RALGAPB: variants seen among roughly 807,000 people sequenced by gnomAD.
RALGAPB encodes ral GTPase-activating protein subunit beta.
In RALGAPB, 25 loss-of-function variants were observed where a neutral mutation model predicts 161.1. The ratio of observed to expected loss-of-function variants is 0.16; its 90% CI spans 0.11 to 0.22. The LOEUF is 0.22. Among genes scored for constraint, RALGAPB ranks in the 10% least tolerant of loss-of-function variants. RALGAPB has a pLI of 1.00. For missense variants in RALGAPB, 1,391 were observed against 1,815.2 expected (o/e 0.77, Z 4.25); for synonymous variants, 629 against 626.1 (o/e 1.00, Z -0.07).
chr20:38,524,723 A>G, intron 10 of RALGAPB, 55 bp from the exon 11 acceptor site: 1 of 1,368,144 alleles, frequency 7.3e-7, no homozygotes, highest in Non-Finnish European at 1.0e-6. Context: ...GCAAATAATA[A>G]TTATGAAAAC....
intron 6 of RALGAPB, among the ~76,000 whole-genome samples, chr20:38,510,215 C>CCAGGCGGTCTCAAACTCCTGGACTT (rs1434023374): frequency 3.3e-5 from 5 of 152,012 alleles, no homozygotes; most frequent in African/African-American, 4.8e-5. Flanking sequence ...CCTACGTTGC[C>CCAGGCGGTCTCAAACTCCTGGACTT]CAGGCGGTCT....
At chr20:38,502,094 T>G (rs994236669) in intron 5 of RALGAPB, among the ~76,000 whole-genome samples, 5 of 152,212 alleles carry the variant, frequency 3.3e-5, no homozygotes, top group Non-Finnish European at 2.9e-5. Context: ...AGCTGCAGTA[T>G]TAAATCATAA....
chr20:38,515,543 A>G (rs2123074029), intron 6 of RALGAPB, among the ~76,000 whole-genome samples: 1 of 152,332 alleles, frequency 6.6e-6, no homozygotes, highest in East Asian at 1.9e-4. Context: ...ACACAAATAC[A>G]CCGTTTTGAA....
rs866413549 is a variant in RALGAPB, at chr20:38,568,630, A to C, written c.3955-1258A>C. The C allele has an allele frequency of 5.3e-5, 8 of 152,206 alleles. No homozygotes were observed. In the South Asian group the frequency reaches 1.7e-3, roughly 31 times the overall value. 9.4% of individuals were successfully genotyped at this position (152,206 alleles called of 1,614,324 possible). ...GCAGATGACATGATCATGTAAGTAG[A>C]AAACCCTCAGGAATCTTTTTAAAAA... On this transcript the variant is annotated intron_variant, in intron 26 of 29. Transcript: ENST00000262879.
At chr20:38,534,982 G>C (rs2086760169) in intron 15 of RALGAPB, 92 bp from the exon 16 acceptor site, 1 of 1,449,206 alleles carries the variant, frequency 6.9e-7, no homozygotes, top group Non-Finnish European at 9.5e-7. Flanking sequence ...TGTGGCTGCT[G>C]TGGTCTGTGC....
intron 24 of RALGAPB, among the ~76,000 whole-genome samples, chr20:38,564,944 C>G (rs763747508): frequency 2.0e-5 from 3 of 148,432 alleles, no homozygotes; most frequent in African/African-American, 5.0e-5. Flanking sequence ...CCTCTTCCCC[C>G]CTCTCTCTCT....
rs1454192893 is a variant in RALGAPB, at chr20:38,565,426, T to C, written c.3765T>C (p.Ala1255=). The stretch of plus-strand genomic sequence containing the variant: ...GACAGAAGAAGGTGCTGTATTATGC[T>C]GATGCCCTTACAGAAATTGCTTTTG... The part of the protein sequence containing the change: ...FNGQKKVLYY[A]DALTEIAFVV... Residue 1255 remains alanine (A), a synonymous_variant, in exon 25 of 30, where the codon GCT becomes GCC. Transcript: ENST00000262879. 6.2e-7 allele frequency: 1 copy of C among 1,613,560 alleles called. No homozygotes were observed. Among genetic ancestry groups the C allele is most frequent in the East Asian group, 2.2e-5 (1 of 44,814 alleles).
chr20:38,548,932 A>C, intron 20 of RALGAPB, 137 bp downstream of exon 20: 1 of 675,298 alleles, frequency 1.5e-6, no homozygotes, highest in Non-Finnish European at 2.6e-6. Flanking sequence ...TCATATCAGA[A>C]TCATCTAGGA....
At position 38,517,556 on chromosome 20, in the gene RALGAPB, T is replaced by G; in HGVS notation, c.1102T>G (p.Leu368Val). Reference sequence around the variant, plus strand: ...TGCTCCCCCAACACCCGTGAATAGATTAAGTATGCCTCAAAGTGCTGCTGT... The same window carrying G: ...TGCTCCCCCAACACCCGTGAATAGAGTAAGTATGCCTCAAAGTGCTGCTGT... ...DSAPPTPVNR[L>V]SMPQSAAVST... Residue 368 changes from leucine (L) to valine (V), a missense_variant, in exon 8 of 30, where the codon TTA (leucine) becomes GTA (valine). Coordinates refer to ENST00000262879, the MANE Select transcript of RALGAPB (RefSeq NM_020336.4). 1 of 1,613,674 alleles carries G rather than the reference T, an allele frequency of 6.2e-7. No individual in the cohort carries two copies. The highest frequency in any genetic ancestry group is 1.1e-5 in the South Asian group (1 of 91,042).
chr20:38,474,056 TC>T (rs1268736587), intron 1 of RALGAPB, among the ~76,000 whole-genome samples: 2 of 152,194 alleles, frequency 1.3e-5, no homozygotes, highest in Non-Finnish European at 2.9e-5. Flanking sequence ...GGGATGGAAT[TC>T]TCTGCAGGGA....
intron 16 of RALGAPB, 104 bp downstream of exon 16, chr20:38,535,311 T>A (rs753410789): frequency 7.5e-7 from 1 of 1,327,112 alleles, no homozygotes; most frequent in East Asian, 2.3e-5. Flanking sequence ...TTGATCATGC[T>A]CAAACATAGT....
chr20:38,495,564 A>G (rs1428612961), intron 3 of RALGAPB, among the ~76,000 whole-genome samples: 2 of 152,234 alleles, frequency 1.3e-5, no homozygotes, highest in Non-Finnish European at 2.9e-5. Context: ...TTTACAATAT[A>G]GATAGTAGGC....
chr20:38,539,839 G>A lies in RALGAPB; in HGVS notation c.2443G>A (p.Val815Ile). ...RAISSVCTYI[V>I]YQCSRPAPLH... ...CATCAGTTCTGTGTGCACCTACATT[G>A]TTTATCAGTGTAGTCGGCCAGCTCC... Residue 815 changes from valine to isoleucine, a missense_variant, in exon 17 of 30, where the codon GTT (valine) becomes ATT (isoleucine). Coordinates refer to ENST00000262879, the MANE Select transcript of RALGAPB (RefSeq NM_020336.4). 6.2e-7 allele frequency: 1 copy of A among 1,614,084 alleles called. No homozygotes were observed. Among genetic ancestry groups the A allele is most frequent in the Non-Finnish European group, 8.5e-7 (1 of 1,179,980 alleles).
intron 18 of RALGAPB, among the ~76,000 whole-genome samples, chr20:38,545,500 C>G (rs1295156736): frequency 1.3e-5 from 2 of 152,164 alleles, no homozygotes; most frequent in African/African-American, 4.8e-5. Context: ...TCATATGCAT[C>G]TCAATGGGAA....
At chr20:38,481,410 C>T (rs1306622188) in intron 1 of RALGAPB, among the ~76,000 whole-genome samples, 1 of 152,168 alleles carries the variant, frequency 6.6e-6, no homozygotes, top group Non-Finnish European at 1.5e-5. Context: ...GGAAGCCTCA[C>T]AATCATGGCA....
intron 13 of RALGAPB, among the ~76,000 whole-genome samples, chr20:38,528,886 T>G (rs1956759107): frequency 6.6e-6 from 1 of 152,166 alleles, no homozygotes; most frequent in Non-Finnish European, 1.5e-5. Flanking sequence ...TTTACCATGT[T>G]GGCCAAGCTG....
intron 4 of RALGAPB, among the ~76,000 whole-genome samples, chr20:38,497,905 C>T (rs1448697508): frequency 6.6e-6 from 1 of 151,926 alleles, no homozygotes; most frequent in Admixed American, 6.6e-5. Flanking sequence ...CCCATCTCTT[C>T]TAAAAGTAGA....
intron 3 of RALGAPB, among the ~76,000 whole-genome samples, chr20:38,494,789 C>T (rs2085373855): frequency 6.6e-6 from 1 of 152,212 alleles, no homozygotes; most frequent in East Asian, 1.9e-4. Context: ...GGGATAGTCT[C>T]ATGAGTAGTA....
chr20:38,519,452 A>T (rs192530195), intron 9 of RALGAPB, among the ~76,000 whole-genome samples: 197 of 152,092 alleles, frequency 1.3e-3, no homozygotes, highest in Middle Eastern at 3.4e-3. Flanking sequence ...AGAGCTGTTG[A>T]CACTGAAATC....
Sources: allele counts gnomAD v4.1 joint callset (sites outside exome capture counted in the v4.1 genomes callset), GRCh38; gene constraint gnomAD v4.1.1; transcripts MANE v1.5; gene names NCBI Gene and HGNC (gene_info 2026-07-23, HGNC 2026-07-21).